ITPR3: variants seen among roughly 807,000 people sequenced by gnomAD.
ITPR3 encodes inositol 1,4,5-trisphosphate-gated calcium channel ITPR3.
In ITPR3, 173 loss-of-function variants were observed where a neutral mutation model predicts 293.2. The observed-to-expected ratio is 0.59, with a 90% CI of 0.52 to 0.67. The LOEUF is 0.67. Ranked by LOEUF, ITPR3 falls within the 30% of genes least tolerant of loss-of-function variation. ITPR3 has a pLI of 0.00. For missense variants in ITPR3, 2,796 were observed against 3,592.1 expected (o/e 0.78, Z 5.66); for synonymous variants, 1,295 against 1,444.4 (o/e 0.90, Z 2.35).
chr6:33,694,689 G>GA, intron 56 of ITPR3: 1 of 544,784 alleles, frequency 1.8e-6, no homozygotes, highest in Admixed American at 3.2e-5. Context: ...AGCTGCCGAC[G>GA]CTGCCTAACG....
chr6:33,649,166 G>A (rs1472535554), intron 2 of ITPR3, among the ~76,000 whole-genome samples: 1 of 152,252 alleles, frequency 6.6e-6, no homozygotes, highest in African/African-American at 2.4e-5. Context: ...GCCTCCCAAA[G>A]TGCTGGGATT....
chr6:33,687,599 G>T lies in ITPR3; in HGVS notation c.6264+35G>T. Reference sequence around the variant, plus strand: ...GGCCCCGAGACTGGGGTGGGGGTGGGGCCTGGAACCCAGGGAGGACACTTG... The same window carrying T: ...GGCCCCGAGACTGGGGTGGGGGTGGTGCCTGGAACCCAGGGAGGACACTTG... On this transcript the variant is annotated intron_variant, in intron 46 of 57. Transcript: ENST00000605930. The surrounding 1 kb of genome is among the most constrained non-coding windows in gnomAD (Gnocchi z 5.3). 1 of 1,496,700 alleles carries T rather than the reference G, an allele frequency of 6.7e-7. No individual in the cohort carries two copies. The highest frequency in any genetic ancestry group is 9.3e-7 in the Non-Finnish European group (1 of 1,079,578). The allele number at this position is 1,496,700 out of a possible 1,614,324, so 92.7% of individuals were successfully genotyped here.
intron 26 of ITPR3, 27 bp from the exon 27 acceptor site, chr6:33,676,988 T>C: frequency 6.2e-7 from 1 of 1,613,978 alleles, no homozygotes; most frequent in African/African-American, 1.3e-5. Context: ...TGGGCCTGGC[T>C]GATCTCCTTC....
intron 28 of ITPR3, among the ~76,000 whole-genome samples, 179 bp from the exon 29 acceptor site, chr6:33,678,242 T>G: frequency 6.6e-6 from 1 of 152,128 alleles, no homozygotes; most frequent in Non-Finnish European, 1.5e-5. Flanking sequence ...TCTTGGCCAT[T>G]GAGCTCCCGC....
At chr6:33,668,657 G>T (rs564787646) in intron 17 of ITPR3, 23 bp downstream of exon 17, 2 of 1,613,756 alleles carry the variant, frequency 1.2e-6, no homozygotes, top group African/African-American at 2.7e-5. Context: ...CCCCCTGCCC[G>T]CACTTGGGCT....
At chr6:33,653,278 CT>C (rs56048235) in intron 2 of ITPR3, among the ~76,000 whole-genome samples, 44,637 of 131,066 alleles carry the variant, frequency 0.34, 4,753 homozygotes, top group East Asian at 0.53. Flanking sequence ...TTTTTATTAA[CT>C]TTTTTTTTTT....
chr6:33,677,780 C>A, intron 28 of ITPR3, 151 bp downstream of exon 28: 1 of 884,414 alleles, frequency 1.1e-6, no homozygotes, highest in East Asian at 2.7e-5. Context: ...ACCTTGACCC[C>A]TGAACCCTGT....
Position 33,679,783 on chromosome 6 carries a change from G to A in ITPR3, c.3973-99G>A. ...GTTTTCCTGATTTCAGGTAAGGGCT[G>A]TGGTCAGAGTCCCAGTTTCTCCCTG... On this transcript the variant is annotated intron_variant, in intron 30 of 57. Transcript: ENST00000605930. This position sits in a 1 kb window ranked among gnomAD's most constrained non-coding sequence, Gnocchi z 4.2. 6.9e-7 allele frequency: 1 copy of A among 1,445,140 alleles called. No individual in the cohort carries two copies. Among genetic ancestry groups the A allele is most frequent in the Non-Finnish European group, 9.3e-7 (1 of 1,074,808 alleles). The allele number at this position is 1,445,140 out of a possible 1,614,324, so 89.5% of individuals were successfully genotyped here. A position where few individuals can be genotyped will look rare whatever the true frequency, so the allele number is the denominator to read the frequency against.
intron 1 of ITPR3, among the ~76,000 whole-genome samples, chr6:33,634,368 G>A (rs997081522): frequency 2.6e-5 from 4 of 152,176 alleles, no homozygotes; most frequent in East Asian, 1.9e-4. Context: ...GATGATGCCT[G>A]TTTTGCTGGT....
Position 33,667,238 on chromosome 6 carries a change from G to A in ITPR3, c.1661G>A (p.Arg554His), listed in dbSNP as rs776134726. The change falls in exon 15 of 58, where the codon CGC becomes CAC. Residue 554 changes from arginine to histidine, a missense_variant. Arg to His is a conservative substitution (Grantham distance 29). This residue lies in a region of ITPR3 where 955 missense variants were observed against 1,180.8 expected (regional missense o/e 0.81). Transcript: ENST00000605930. This position sits in a 1 kb window ranked among gnomAD's most constrained non-coding sequence, Gnocchi z 4.4. ...AACGCCCCCTACCAGCACATGTTCC[G>A]CCTGTGCTACCGCGTGTTGCGGCAT... ...QKNAPYQHMF[R>H]LCYRVLRHSQ... 3 of 1,613,738 alleles carry A rather than the reference G, an allele frequency of 1.9e-6. No individual in the cohort carries two copies. The highest frequency in any genetic ancestry group is 2.5e-6 in the Non-Finnish European group (3 of 1,180,002).
chr6:33,692,676 C>T lies in ITPR3; in HGVS notation c.7459-52C>T, dbSNP rs1427575764. 1 of 1,584,068 alleles carries T rather than the reference C, an allele frequency of 6.3e-7. No homozygotes were observed. The highest frequency in any genetic ancestry group is 1.1e-5 in the South Asian group (1 of 88,706). ...GCCCCAACCTGAGTCCTATCTTGCCCCAGTGAATGTGGGGACCACCGGGCC... is the reference window on the plus strand; with the variant it reads ...GCCCCAACCTGAGTCCTATCTTGCCTCAGTGAATGTGGGGACCACCGGGCC... On this transcript the variant is annotated intron_variant, in intron 54 of 57. Transcript: ENST00000605930. The surrounding 1 kb of genome is among the most constrained non-coding windows in gnomAD (Gnocchi z 4.2).
At position 33,688,389 on chromosome 6, in the gene ITPR3, T is replaced by A. The variant is rs1487969741; in HGVS notation, c.6526T>A (p.Ser2176Thr). ...AGTGAGCGACTTCTTCGACCAGTCC[T>A]CCTTCCTGCACAACGAGATGGAGTG... The part of the protein sequence containing the change: ...SKVSDFFDQS[S>T]FLHNEMEWQR... Residue 2176 changes from serine to threonine, a missense_variant, in exon 48 of 58, where the codon TCC (serine) becomes ACC (threonine). This residue lies in a region of ITPR3 where 568 missense variants were observed against 796.1 expected (regional missense o/e 0.71). Coordinates refer to ENST00000605930, the MANE Select transcript of ITPR3 (RefSeq NM_002224.4). The A allele has an allele frequency of 1.4e-6, 2 of 1,404,268 alleles. No individual in the cohort carries two copies. The highest frequency in any genetic ancestry group is 3.2e-5 in the African/African-American group (2 of 63,068). 87.0% of individuals were successfully genotyped at this position (1,404,268 alleles called of 1,614,324 possible).
At chr6:33,671,973 C>G (rs1160350767) in intron 21 of ITPR3, 56 bp from the exon 22 acceptor site, 1 of 1,494,576 alleles carries the variant, frequency 6.7e-7, no homozygotes, top group African/African-American at 1.4e-5. Context: ...ACCAGGGACC[C>G]CTGTGTACAG....
chr6:33,667,790 AG>A lies in ITPR3; in HGVS notation c.1714del. 2 of 1,613,696 alleles carry A rather than the reference AG, an allele frequency of 1.2e-6. No individual in the cohort carries two copies. The highest frequency in any genetic ancestry group is 8.5e-7 in the Non-Finnish European group (1 of 1,179,802). On this transcript the variant is annotated splice_acceptor_variant, in intron 15 of 57. Coordinates refer to ENST00000605930, the MANE Select transcript of ITPR3 (RefSeq NM_002224.4). LOFTEE classifies it high-confidence loss of function. The surrounding 1 kb of genome is among the most constrained non-coding windows in gnomAD (Gnocchi z 4.4). The stretch of plus-strand genomic sequence containing the variant: ...TGACCCCCAGCCTGTCTGCCCCCCC[AG>A]GAGCACATTGCCAAGCAGTTTGGGA...
At chr6:33,665,345 C>A in intron 13 of ITPR3, 132 bp downstream of exon 13, 1 of 1,182,320 alleles carries the variant, frequency 8.5e-7, no homozygotes, top group Non-Finnish European at 1.2e-6. Context: ...CCTGTGGGGC[C>A]CTGGCTGAGC....
At chr6:33,637,126 G>A (rs1250275023) in intron 1 of ITPR3, among the ~76,000 whole-genome samples, 2 of 152,202 alleles carry the variant, frequency 1.3e-5, no homozygotes, top group African/African-American at 4.8e-5. Context: ...CCACCTGGAT[G>A]TCCTGCAGTT....
chr6:33,662,916 C>T lies in ITPR3; in HGVS notation c.864C>T (p.Val288=). The change falls in exon 9 of 58, where the codon GTC becomes GTT. Residue 288 remains valine (V), a synonymous_variant. Transcript: ENST00000605930. ...SSNALWEVEV[V]HHDPCRGGAG... Reference sequence around the variant, plus strand: ...TCACACCTGTGTGCCCCTAGGTGGTCCACCACGACCCCTGCCGTGGAGGAG... The same window carrying T: ...TCACACCTGTGTGCCCCTAGGTGGTTCACCACGACCCCTGCCGTGGAGGAG... The T allele has an allele frequency of 6.3e-7, 1 of 1,592,844 alleles. No homozygotes were observed. The highest frequency in any genetic ancestry group is 8.6e-7 in the Non-Finnish European group (1 of 1,168,634).
rs201097102 is a variant in ITPR3 at position 33,659,018 on chromosome 6, C to T, written c.529-3C>T. 974 of 1,614,064 alleles carry T rather than the reference C, an allele frequency of 6.0e-4. 3 individuals are homozygous for T. The highest frequency in any genetic ancestry group is 2.8e-3 in the Admixed American group (171 of 60,012). ...ACCTAACCTGTCCCACCTGTCTGCT[C>T]AGGTGGTCGTGGGGGACAAGGTGAT... On this transcript the variant is annotated splice_polypyrimidine_tract_variant and splice_region_variant and intron_variant, in intron 5 of 57. Coordinates refer to ENST00000605930, the MANE Select transcript of ITPR3 (RefSeq NM_002224.4).
At position 33,675,674 on chromosome 6, in the gene ITPR3, C is replaced by T; in HGVS notation, c.3117-17C>T. The T allele has an allele frequency of 1.3e-6, 2 of 1,583,302 alleles. No individual in the cohort carries two copies. Among genetic ancestry groups the T allele is most frequent in the Non-Finnish European group, 1.7e-6 (2 of 1,162,862 alleles). On this transcript the variant is annotated splice_polypyrimidine_tract_variant and intron_variant, in intron 24 of 57. Coordinates refer to ENST00000605930, the MANE Select transcript of ITPR3 (RefSeq NM_002224.4). The surrounding 1 kb of genome is among the most constrained non-coding windows in gnomAD (Gnocchi z 5.0). ...GTGCCAGTCTCACCCATGCGCCCTG[C>T]ACCCTTGTGCCCGCAGGAAGACAAG...
Sources: gnomAD v4.1 joint callset for allele counts (sites outside exome capture counted in the v4.1 genomes callset) on GRCh38, gnomAD v4.1.1 for gene constraint, gnomAD v4.1.1 regional missense constraint, Gnocchi (gnomAD v3.1) non-coding constraint, MANE v1.5 for transcripts, NCBI Gene and HGNC (gene_info 2026-07-23, HGNC 2026-07-21) for gene names.